B4GALT1: variants seen among roughly 807,000 people sequenced by gnomAD.
B4GALT1 encodes the protein beta-1,4-galactosyltransferase 1, also known as N-acetyllactosamine synthase.
B4GALT1 carries 16 observed loss-of-function variants against 34.9 expected under a neutral mutation model. The observed-to-expected ratio is 0.46, with a 90% confidence interval of 0.31 to 0.70. The LOEUF is 0.70. Ranked by LOEUF, B4GALT1 falls within the 30% of genes least tolerant of loss-of-function variation. The pLI, the probability that B4GALT1 is intolerant of heterozygous loss-of-function variation, is 0.05. For synonymous variants in B4GALT1, 221 were observed against 218.1 expected, an observed-to-expected ratio of 1.01 and a Z score of -0.12; for missense variants, 445 against 530.5, an observed-to-expected ratio of 0.84 and a Z score of 1.58.
At position 33,167,018 on chromosome 9, in the gene B4GALT1, G is replaced by A. The variant is rs753106983; in HGVS notation, c.152C>T (p.Pro51Leu). 1 of 1,598,146 alleles carries A rather than the reference G, an allele frequency of 6.3e-7. No individual in the cohort carries two copies. Among genetic ancestry groups the A allele is most frequent in the South Asian group, 1.1e-5 (1 of 90,338 alleles). The change falls in exon 1 of 6, where the codon CCC becomes CTC. Residue 51 changes from proline to leucine, a missense_variant. Physicochemically the swap from Pro to Leu is moderately conservative, Grantham distance 98. Around this residue, in one of 3 missense-constraint regions of B4GALT1, gnomAD observed 349 missense variants for 395.5 expected, o/e 0.88. Coordinates refer to ENST00000379731, the MANE Select transcript of B4GALT1 (RefSeq NM_001497.4). ...YLAGRDLSRL[P>L]QLVGVSTPLQ... ...CGGTGTGGAGACTCCGACCAGTTGG[G>A]GCAGGCGGCTCAGGTCGCGGCCAGC...
At chr9:33,167,473 CG>C (rs1840786484), upstream of B4GALT1, 1 of 120,614 alleles carries the variant, frequency 8.3e-6, no homozygotes, top group South Asian at 2.9e-4. Flanking sequence ...GCGCGCTGGG[CG>C]GGGCCTCGGG....
At chr9:33,165,864 A>G (rs193129665) in intron 1 of B4GALT1, among the ~76,000 whole-genome samples, 5 of 152,346 alleles carry the variant, frequency 3.3e-5, no homozygotes, top group Non-Finnish European at 1.5e-5. Flanking sequence ...CTCTCTGCCT[A>G]TGCTGAAACA....
At chr9:33,174,980 AAAAAAAAAAAATATATATATAT>A in the B4GALT1 span, among the ~76,000 whole-genome samples, 3 of 19,912 alleles carry the variant, frequency 1.5e-4, no homozygotes, top group South Asian at 3.3e-3. Flanking sequence ...AAAAAAAAAA[AAAAAAAAAAAATATATATATAT>A]ATATATATAT....
At chr9:33,120,886 A>C (rs1840012165) in intron 2 of B4GALT1, among the ~76,000 whole-genome samples, 1 of 152,238 alleles carries the variant, frequency 6.6e-6, no homozygotes, top group Admixed American at 6.5e-5. Flanking sequence ...CAAAAAACAG[A>C]ATAATCAGTA....
chr9:33,116,667 C>T (rs954149943), intron 3 of B4GALT1, among the ~76,000 whole-genome samples: 16 of 152,002 alleles, frequency 1.1e-4, no homozygotes, highest in Admixed American at 3.3e-4. Flanking sequence ...GGACTACAGG[C>T]GTGTGCCACC....
intron 3 of B4GALT1, among the ~76,000 whole-genome samples, chr9:33,118,546 T>G (rs776590227): frequency 3.3e-5 from 5 of 151,568 alleles, no homozygotes; most frequent in Non-Finnish European, 7.4e-5. Flanking sequence ...GGCCCACACC[T>G]GTGGTCCCAG....
At chr9:33,176,955 A>G in the B4GALT1 span, among the ~76,000 whole-genome samples, 1 of 152,222 alleles carries the variant, frequency 6.6e-6, no homozygotes, top group East Asian at 1.9e-4. Context: ...TTACAGCCAC[A>G]TCCGTGACCT....
rs576486729 is a variant in B4GALT1 at position 33,128,143 on chromosome 9, G to C, written c.648+7046C>G. 5.4e-4 allele frequency among the ~76,000 whole-genome samples: 83 copies of C among 152,304 alleles called. 1 individual carries two copies. The highest frequency in any genetic ancestry group is 1.9e-3 in the African/African-American group (81 of 41,548). On this transcript the variant is annotated intron_variant, in intron 2 of 5. Coordinates refer to ENST00000379731, the MANE Select transcript of B4GALT1 (RefSeq NM_001497.4). The stretch of plus-strand genomic sequence containing the variant: ...GGAGGCGGAAAGTACAGAAGAGAAG[G>C]TAGGTGGAGAATAAGAAGCAGATCA...
At chr9:33,118,237 A>G (rs1314539105) in intron 3 of B4GALT1, among the ~76,000 whole-genome samples, 4 of 152,240 alleles carry the variant, frequency 2.6e-5, no homozygotes, top group Non-Finnish European at 2.9e-5. Flanking sequence ...CCTCCCTTTA[A>G]GACAAGAAGT....
intron 2 of B4GALT1, among the ~76,000 whole-genome samples, chr9:33,105,436 G>A (rs116963919): frequency 0.029 from 4,434 of 152,210 alleles, 93 homozygotes; most frequent in Non-Finnish European, 0.042. Flanking sequence ...CCACCAAGCC[G>A]GCCCATTTTA....
chr9:33,167,796 AG>A (rs1226996928), upstream of B4GALT1, among the ~76,000 whole-genome samples: 1 of 152,184 alleles, frequency 6.6e-6, no homozygotes, highest in East Asian at 1.9e-4. Flanking sequence ...TTGGTGGGCT[AG>A]GAAGAGAGGC....
At chr9:33,127,851 C>T (rs1840135367) in intron 2 of B4GALT1, among the ~76,000 whole-genome samples, 1 of 152,252 alleles carries the variant, frequency 6.6e-6, no homozygotes, top group South Asian at 2.1e-4. Flanking sequence ...GTTAAACTCT[C>T]AGACCCTGTA....
chr9:33,165,431 G>A (rs1223738573), intron 1 of B4GALT1, among the ~76,000 whole-genome samples: 1 of 152,108 alleles, frequency 6.6e-6, no homozygotes, highest in African/African-American at 2.4e-5. Flanking sequence ...TTCATTTTAT[G>A]GGACTAGTCT....
At chr9:33,147,405 G>A (rs1431752138) in intron 1 of B4GALT1, among the ~76,000 whole-genome samples, 1 of 151,906 alleles carries the variant, frequency 6.6e-6, no homozygotes, top group Non-Finnish European at 1.5e-5. Flanking sequence ...CTGCCACCAC[G>A]CCCAGCTGAT....
chr9:33,125,564 A>G (rs1015166501), intron 2 of B4GALT1, among the ~76,000 whole-genome samples: 2 of 152,186 alleles, frequency 1.3e-5, no homozygotes, highest in African/African-American at 2.4e-5. Flanking sequence ...GCCTCCCCCA[A>G]GGGCCAAAGG....
intron 1 of B4GALT1, among the ~76,000 whole-genome samples, chr9:33,160,619 T>C (rs1233328846): frequency 6.6e-6 from 1 of 151,842 alleles, no homozygotes; most frequent in Non-Finnish European, 1.5e-5. Context: ...ATACAAAAAT[T>C]AGTCAGGCAT....
In B4GALT1 at chr9:33,167,228, G is replaced by C. The variant is rs1840777626; in HGVS notation, c.-59C>G. 4.1e-6 allele frequency: 6 copies of C among 1,462,470 alleles called. No individual in the cohort carries two copies. Among genetic ancestry groups the C allele is most frequent in the African/African-American group, 1.5e-5 (1 of 67,980 alleles). 90.6% of individuals were successfully genotyped at this position (1,462,470 alleles called of 1,614,324 possible). ...ACAGGAGGGGAGGCGACCCGCCCGC[G>C]GGCCGCCCGCCAGGCGCTGCCCCAC... On this transcript the variant is annotated 5_prime_UTR_variant, in exon 1 of 6. Transcript: ENST00000379731.
intron 1 of B4GALT1, among the ~76,000 whole-genome samples, chr9:33,156,121 C>CT (rs766721273): frequency 1.2e-3 from 180 of 144,716 alleles, no homozygotes; most frequent in Admixed American, 2.2e-3. Flanking sequence ...GATCTGTAAA[C>CT]TTTTTTTTTT....
At chr9:33,133,150 G>C (rs1397616279) in intron 2 of B4GALT1, among the ~76,000 whole-genome samples, 12 of 152,194 alleles carry the variant, frequency 7.9e-5, no homozygotes, top group Admixed American at 7.9e-4. Context: ...TGATCCGCCT[G>C]CCTTGGCCTC....
Sources: allele counts gnomAD v4.1 joint callset (sites outside exome capture counted in the v4.1 genomes callset), GRCh38; gene constraint gnomAD v4.1.1; regional missense constraint gnomAD v4.1.1; transcripts MANE v1.5; gene names NCBI Gene and HGNC (gene_info 2026-07-23, HGNC 2026-07-21).